DPP6: variants seen among roughly 807,000 people sequenced by gnomAD.
DPP6 encodes the protein dipeptidyl peptidase like 6, also known as A-type potassium channel modulatory protein DPP6.
DPP6 carries 69 observed loss-of-function variants against 122.6 expected under a neutral mutation model. The ratio of observed to expected loss-of-function variants is 0.56; its 90% CI spans 0.46 to 0.69. The LOEUF (loss-of-function observed/expected upper bound fraction) is 0.69, where lower values mean the gene tolerates loss of function less well. Among genes scored for constraint, DPP6 ranks in the 30% least tolerant of loss-of-function variants. The pLI is 0.00. For missense variants in DPP6, 928 were observed against 1,116.9 expected, an observed-to-expected ratio of 0.83 and a Z score of 2.41; for synonymous variants, 418 against 433.1, an observed-to-expected ratio of 0.97 and a Z score of 0.43.
At chr7:154,140,922 G>A (rs3115136) in intron 1 of DPP6, among the ~76,000 whole-genome samples, 8 of 152,130 alleles carry the variant, frequency 5.3e-5, no homozygotes, top group Non-Finnish European at 1.0e-4. Flanking sequence ...GATTGACCCC[G>A]CTAAGTAATC....
intron 1 of DPP6, among the ~76,000 whole-genome samples, chr7:154,255,370 A>G (rs1339094940): frequency 6.6e-6 from 1 of 152,262 alleles, no homozygotes; most frequent in Non-Finnish European, 1.5e-5. Context: ...GAAGGTTGAC[A>G]AGGCAGCAGG....
At chr7:154,571,702 AT>A (rs1180412704) in intron 5 of DPP6, among the ~76,000 whole-genome samples, 2 of 152,122 alleles carry the variant, frequency 1.3e-5, no homozygotes, top group African/African-American at 4.8e-5. Context: ...AGATTTTAAG[AT>A]TTTTTTCCTA....
chr7:154,358,631 C>T (rs779234403), intron 1 of DPP6, among the ~76,000 whole-genome samples: 1 of 152,158 alleles, frequency 6.6e-6, no homozygotes, highest in Non-Finnish European at 1.5e-5. Flanking sequence ...CTTGCCTTCA[C>T]ATAAGGTCAC....
intron 5 of DPP6, among the ~76,000 whole-genome samples, chr7:154,601,278 G>C (rs1229799846): frequency 8.3e-6 from 1 of 120,970 alleles, no homozygotes; most frequent in African/African-American, 2.6e-5. Context: ...AATTACTTTT[G>C]CTGTGAATTA....
chr7:154,071,751 C>T (rs1253111467), intron 1 of DPP6, among the ~76,000 whole-genome samples: 1 of 152,144 alleles, frequency 6.6e-6, no homozygotes, highest in Non-Finnish European at 1.5e-5. Context: ...TTATACTAAG[C>T]CTTCACATAA....
At chr7:154,049,200 T>C (rs1414356702), upstream of DPP6, among the ~76,000 whole-genome samples, 2 of 146,368 alleles carry the variant, frequency 1.4e-5, no homozygotes, top group African/African-American at 5.2e-5. Context: ...CAAGGAGAAA[T>C]TGAGTAGAGG....
chr7:154,105,000 C>T (rs763476250), intron 1 of DPP6, among the ~76,000 whole-genome samples: 10 of 152,188 alleles, frequency 6.6e-5, no homozygotes, highest in East Asian at 1.9e-4. Flanking sequence ...TGGTGGCACA[C>T]GCCTGCGGTC....
At chr7:154,437,798 C>T (rs562723620) in intron 1 of DPP6, among the ~76,000 whole-genome samples, 6 of 151,966 alleles carry the variant, frequency 3.9e-5, no homozygotes, top group African/African-American at 1.2e-4. Flanking sequence ...TAGCTGGACA[C>T]GGTGGTGGAC....
chr7:154,117,579 C>T lies in DPP6; in HGVS notation c.243+64516C>T, dbSNP rs1459086075. ...CTATCTTCTCTTGCAGAGCTTTATC[C>T]CTTTTTCATTGTTCAGCATGACTGG... On this transcript the variant is annotated intron_variant, in intron 1 of 25. Transcript: ENST00000377770. 2.0e-5 allele frequency among the ~76,000 whole-genome samples: 3 copies of T among 152,178 alleles called. No homozygotes were observed. In the East Asian group the frequency reaches 5.8e-4, roughly 29 times the overall value.
chr7:154,087,589 T>G (rs553930103), intron 1 of DPP6, among the ~76,000 whole-genome samples: 3 of 152,286 alleles, frequency 2.0e-5, no homozygotes, highest in Admixed American at 6.5e-5. Flanking sequence ...CAGTGAGTGA[T>G]TGTTCTTCTC....
chr7:154,385,486 C>T (rs1045482571), intron 1 of DPP6, among the ~76,000 whole-genome samples: 1 of 152,118 alleles, frequency 6.6e-6, no homozygotes, highest in Non-Finnish European at 1.5e-5. Flanking sequence ...ACTAAAGTCC[C>T]TCATCTGTCA....
intron 6 of DPP6, among the ~76,000 whole-genome samples, chr7:154,641,905 C>T (rs1836123045): frequency 6.6e-6 from 1 of 152,122 alleles, no homozygotes; most frequent in Non-Finnish European, 1.5e-5. Context: ...TATTGTTGCT[C>T]TAACTTTGCT....
chr7:153,919,602 C>G (rs1191560294), intron 1 of DPP6, among the ~76,000 whole-genome samples: 1 of 152,088 alleles, frequency 6.6e-6, no homozygotes, highest in Non-Finnish European at 1.5e-5. Context: ...ACACGTTAAT[C>G]CAAGAAATAC....
chr7:154,489,064 C>T (rs1405927794), intron 3 of DPP6, among the ~76,000 whole-genome samples: 1 of 152,202 alleles, frequency 6.6e-6, no homozygotes, highest in East Asian at 1.9e-4. Flanking sequence ...ACGGCTTGCT[C>T]TTCTTAAAGC....
chr7:153,882,710 C>T (rs76718391), upstream of DPP6, among the ~76,000 whole-genome samples: 818 of 152,308 alleles, frequency 5.4e-3, 6 homozygotes, highest in African/African-American at 0.018. Flanking sequence ...CAGGAGTCAA[C>T]ACTAGGCAAA....
At chr7:153,886,359 G>A (rs1798912956), upstream of DPP6, among the ~76,000 whole-genome samples, 2 of 152,176 alleles carry the variant, frequency 1.3e-5, no homozygotes, top group Non-Finnish European at 2.9e-5. Context: ...GCGGTCACTG[G>A]TCAACCCGCC....
At chr7:154,493,517 G>A (rs1371569458) in intron 3 of DPP6, among the ~76,000 whole-genome samples, 2 of 152,060 alleles carry the variant, frequency 1.3e-5, no homozygotes, top group Non-Finnish European at 2.9e-5. Flanking sequence ...AAAATATTTG[G>A]ATTTCTTTTG....
chr7:153,908,821 T>C (rs1026567035), intron 1 of DPP6, among the ~76,000 whole-genome samples: 21 of 152,294 alleles, frequency 1.4e-4, no homozygotes, highest in African/African-American at 5.1e-4. Flanking sequence ...TGGTGCAATC[T>C]TGGCTCACTG....
chr7:153,857,322 TTCTCTC>T, the DPP6 span, among the ~76,000 whole-genome samples: 176 of 124,474 alleles, frequency 1.4e-3, 1 homozygote, highest in East Asian at 8.8e-3. Context: ...CTCAAAGGTT[TTCTCTC>T]TCTCTCTCTC....
Sources: gnomAD v4.1 joint callset for allele counts (sites outside exome capture counted in the v4.1 genomes callset) on GRCh38, gnomAD v4.1.1 for gene constraint, MANE v1.5 for transcripts, NCBI Gene and HGNC (gene_info 2026-07-23, HGNC 2026-07-21) for gene names.